Variants in RBPJ observed in about 807,000 individuals in gnomAD.
RBPJ encodes recombining binding protein suppressor of hairless.
Under a neutral mutation model 67.8 loss-of-function variants are expected in RBPJ, and 9 were observed. That is an observed-to-expected ratio of 0.13 (90% CI 0.08 to 0.23). The LOEUF (loss-of-function observed/expected upper bound fraction) is 0.23, where lower values mean the gene tolerates loss of function less well. Ranked by LOEUF, RBPJ falls within the 10% of genes least tolerant of loss-of-function variation. The pLI, the probability that RBPJ is intolerant of heterozygous loss-of-function variation, is 1.00. For synonymous variants in RBPJ, 198 were observed against 203.3 expected (o/e 0.97, Z 0.22); for missense variants, 305 against 595.6 (o/e 0.51, Z 5.08).
chr4:26,372,622 G>T (rs1729278191), intron 1 of RBPJ, among the ~76,000 whole-genome samples: 1 of 152,050 alleles, frequency 6.6e-6, no homozygotes, highest in African/African-American at 2.4e-5. Flanking sequence ...CTTCTGCATT[G>T]CCACCCCGAC....
chr4:26,324,291 A>G (rs556103126), intron 1 of RBPJ, among the ~76,000 whole-genome samples: 23 of 152,292 alleles, frequency 1.5e-4, no homozygotes, highest in African/African-American at 3.6e-4. Context: ...TAAAATCCCA[A>G]ATATGTATTA....
intron 7 of RBPJ, among the ~76,000 whole-genome samples, chr4:26,428,114 A>G (rs557162802): frequency 3.0e-4 from 46 of 152,236 alleles, no homozygotes; most frequent in Non-Finnish European, 6.0e-4. Flanking sequence ...TTCTAAGCCC[A>G]TTTTGTAATC....
chr4:26,333,262 T>G (rs947472349), intron 1 of RBPJ, among the ~76,000 whole-genome samples: 2 of 152,168 alleles, frequency 1.3e-5, no homozygotes, highest in Non-Finnish European at 2.9e-5. Context: ...TTTAAAGAAA[T>G]GGAAACGCTG....
chr4:26,324,162 G>C (rs1723374187), intron 1 of RBPJ, among the ~76,000 whole-genome samples: 1 of 152,120 alleles, frequency 6.6e-6, no homozygotes, highest in Non-Finnish European at 1.5e-5. Context: ...GAAAACTGTG[G>C]GGAAGGTCTA....
chr4:26,123,683 A>G, the RBPJ span, among the ~76,000 whole-genome samples: 2 of 152,138 alleles, frequency 1.3e-5, no homozygotes, highest in Admixed American at 6.5e-5. Flanking sequence ...TCTATAAGCT[A>G]TTTTCTATTT....
chr4:26,330,967 T>C (rs556596802), intron 1 of RBPJ, among the ~76,000 whole-genome samples: 1 of 152,288 alleles, frequency 6.6e-6, no homozygotes, highest in African/African-American at 2.4e-5. Context: ...TCAGGAAATT[T>C]TAGAGCCAGA....
chr4:26,391,519 A>G (rs1277018918), intron 2 of RBPJ, among the ~76,000 whole-genome samples: 2 of 152,218 alleles, frequency 1.3e-5, no homozygotes, highest in Non-Finnish European at 2.9e-5. Context: ...AAAATAGCTC[A>G]ATGTAGACCT....
At chr4:26,415,283 T>C (rs1381865110) in intron 3 of RBPJ, among the ~76,000 whole-genome samples, 192 bp from the exon 4 acceptor site, 1 of 152,224 alleles carries the variant, frequency 6.6e-6, no homozygotes, top group Non-Finnish European at 1.5e-5. Context: ...GATTTAGTCA[T>C]TGTGGAAGTC....
At chr4:26,238,818 G>T (rs1454802283) in intron 1 of RBPJ, among the ~76,000 whole-genome samples, 1 of 152,104 alleles carries the variant, frequency 6.6e-6, no homozygotes, top group African/African-American at 2.4e-5. Context: ...GGATGGCAGG[G>T]TTTACACAGT....
chr4:26,422,422 A>G (rs964147688), intron 5 of RBPJ, among the ~76,000 whole-genome samples: 2 of 152,188 alleles, frequency 1.3e-5, no homozygotes, highest in Non-Finnish European at 1.5e-5. Context: ...TTTTTCTACA[A>G]AGAGGGACTT....
intron 7 of RBPJ, among the ~76,000 whole-genome samples, chr4:26,426,317 A>T (rs946875337): frequency 6.6e-6 from 1 of 152,180 alleles, no homozygotes. Context: ...TAGAAGACAG[A>T]CCCAAATTTA....
chr4:26,142,240 T>C, the RBPJ span, among the ~76,000 whole-genome samples: 1 of 151,686 alleles, frequency 6.6e-6, no homozygotes, highest in Non-Finnish European at 1.5e-5. Context: ...CTGGCTGATG[T>C]AACAGCTGCA....
At chr4:26,370,940 C>T (rs1269241053) in intron 1 of RBPJ, among the ~76,000 whole-genome samples, 5 of 151,788 alleles carry the variant, frequency 3.3e-5, no homozygotes, top group East Asian at 1.9e-4. Context: ...ATTAGCCGGG[C>T]GTGGTGGCGG....
chr4:26,289,849 G>A (rs970521927), intron 1 of RBPJ, among the ~76,000 whole-genome samples: 2 of 150,602 alleles, frequency 1.3e-5, no homozygotes, highest in Non-Finnish European at 3.0e-5. Context: ...TGATCTGTCT[G>A]GTGGACTGTC....
At chr4:26,310,441 C>A (rs1434568701) in intron 1 of RBPJ, among the ~76,000 whole-genome samples, 1 of 152,186 alleles carries the variant, frequency 6.6e-6, no homozygotes, top group Admixed American at 6.5e-5. Context: ...GCAGGGCTGT[C>A]TTAGGCCCAG....
chr4:26,343,941 G>C (rs1005827913), intron 1 of RBPJ, among the ~76,000 whole-genome samples: 1 of 151,804 alleles, frequency 6.6e-6, no homozygotes, highest in Non-Finnish European at 1.5e-5. Context: ...AGTAGGGAGA[G>C]GGTTTCACCA....
chr4:26,330,796 G>A lies in RBPJ; in HGVS notation c.20+9748G>A, dbSNP rs78133652. On this transcript the variant is annotated intron_variant, in intron 1 of 10. Transcript: ENST00000355476. ...AGGATTTGATGAACGATGATGAAGCGTGGTGTGTACTGATGCTAGGCTATG... is the reference window on the plus strand; with the variant it reads ...AGGATTTGATGAACGATGATGAAGCATGGTGTGTACTGATGCTAGGCTATG... Among the ~76,000 whole-genome samples the A allele has an allele frequency of 3.5e-3, 531 of 152,290 alleles. 4 individuals carry two copies. The highest frequency in any genetic ancestry group is 0.012 in the African/African-American group (506 of 41,558).
chr4:26,285,197 T>A (rs1721421366), intron 1 of RBPJ, among the ~76,000 whole-genome samples: 1 of 152,020 alleles, frequency 6.6e-6, no homozygotes, highest in South Asian at 2.1e-4. Flanking sequence ...GTGTCCAGAC[T>A]CCGGAAAGGC....
chr4:26,162,820 C>T (rs573254153), upstream of RBPJ, among the ~76,000 whole-genome samples: 6 of 152,232 alleles, frequency 3.9e-5, no homozygotes, highest in African/African-American at 1.2e-4. Flanking sequence ...CCATCTAGGC[C>T]CCCCACTACA....
Sources: allele counts gnomAD v4.1 joint callset (sites outside exome capture counted in the v4.1 genomes callset), GRCh38; gene constraint gnomAD v4.1.1; transcripts MANE v1.5; gene names NCBI Gene and HGNC (gene_info 2026-07-23, HGNC 2026-07-21).